The following POLE variants were observed in gnomAD, a reference collection of about 807,000 sequenced individuals.
The protein encoded by POLE is DNA polymerase epsilon, catalytic subunit.
Under a neutral mutation model 279.2 loss-of-function variants are expected in POLE, and 188 were observed. The observed-to-expected ratio is 0.67, with a 90% confidence interval of 0.60 to 0.76. The LOEUF (loss-of-function observed/expected upper bound fraction) is 0.76, where lower values mean the gene tolerates loss of function less well. Among genes scored for constraint, POLE ranks in the 30% least tolerant of loss-of-function variants. The pLI is 0.00. For synonymous variants in POLE, 1,214 were observed against 1,172.5 expected, an observed-to-expected ratio of 1.04 and a Z score of -0.72; for missense variants, 2,703 against 3,016.7, an observed-to-expected ratio of 0.90 and a Z score of 2.44.
chr12:132,635,686 C>T (rs1310021270), intron 42 of POLE, among the ~76,000 whole-genome samples: 1 of 152,254 alleles, frequency 6.6e-6, no homozygotes, highest in East Asian at 1.9e-4. Context: ...CCACGGCAAG[C>T]CTTGCCATCA....
intron 45 of POLE, among the ~76,000 whole-genome samples, chr12:132,627,468 G>A (rs551642595): frequency 6.6e-6 from 1 of 152,180 alleles, no homozygotes; most frequent in East Asian, 1.9e-4. Flanking sequence ...CCCAGGTAAT[G>A]TTTGTAATCG....
intron 29 of POLE, among the ~76,000 whole-genome samples, chr12:132,656,038 C>T (rs1014132002): frequency 4.6e-5 from 7 of 151,988 alleles, no homozygotes; most frequent in African/African-American, 1.7e-4. Context: ...TAAAAATTAG[C>T]TAGGCATGGT....
At position 132,642,829 on chromosome 12, in the gene POLE, G is replaced by A. The variant is rs115219846; in HGVS notation, c.4719C>T (p.Leu1573=). ...TICRAIQRFL[L]AYKEERRGPT... is the part of the protein sequence containing the mutation. ...CCCCAACCACTCTCACCTTGTAGGC[G>A]AGCAGGAATCGCTGGATGGCTCTGC... Residue 1573 remains leucine (L), a synonymous_variant, in exon 36 of 49, where the codon CTC becomes CTT. Transcript: ENST00000320574. 34 of 1,614,024 alleles carry A rather than the reference G, an allele frequency of 2.1e-5. No homozygotes were observed. The East Asian group carries it at 3.3e-4, about 16-fold the overall frequency.
rs142218834 is a variant in POLE, at chr12:132,625,960, G to C, written c.6531+157C>G. 3.0e-5 allele frequency: 33 copies of C among 1,093,440 alleles called. No individual in the cohort carries two copies. In the African/African-American group the frequency reaches 5.0e-4, roughly 17 times the overall value. The allele number at this position is 1,093,440 out of a possible 1,614,324, so 67.7% of individuals were successfully genotyped here. On this transcript the variant is annotated intron_variant, in intron 46 of 48. Coordinates refer to ENST00000320574, the MANE Select transcript of POLE (RefSeq NM_006231.4). ...CCTAGGACAACATTCCGAACATGGT[G>C]TGGGGAGGCCTGGGAAGGGGCCTGT... is the stretch of plus-strand genomic sequence containing the variant.
intron 25 of POLE, chr12:132,659,753 T>G (rs2042638001): frequency 4.2e-6 from 2 of 478,094 alleles, no homozygotes; most frequent in South Asian, 4.5e-5. Flanking sequence ...AGTGCAGTGG[T>G]GCAATCTCAA....
intron 47 of POLE, 160 bp from the exon 48 acceptor site, chr12:132,625,154 C>T (rs1229732120): frequency 1.5e-6 from 1 of 681,276 alleles, no homozygotes; most frequent in Non-Finnish European, 2.7e-6. Context: ...AATGCACGAC[C>T]TCATCCCACG....
In POLE at chr12:132,634,797, C is replaced by A. The variant is rs1047158467; in HGVS notation, c.5812-419G>T. ...CCTGTGTTCGTGCCACGGCACCATCCACGTCTGTGTAGACACCGACACCCA... is the reference window on the plus strand; with the variant it reads ...CCTGTGTTCGTGCCACGGCACCATCAACGTCTGTGTAGACACCGACACCCA... On this transcript the variant is annotated intron_variant, in intron 42 of 48. Coordinates refer to ENST00000320574, the MANE Select transcript of POLE (RefSeq NM_006231.4). The surrounding 1 kb of genome is among the most constrained non-coding windows in gnomAD (Gnocchi z 4.0). Among the ~76,000 whole-genome samples the A allele has an allele frequency of 1.3e-5, 2 of 152,190 alleles. No individual in the cohort carries two copies. Among genetic ancestry groups the A allele is most frequent in the Non-Finnish European group, 2.9e-5 (2 of 68,038 alleles).
Position 132,677,586 on chromosome 12 carries a change from T to C in POLE, c.712A>G (p.Ile238Val), listed in dbSNP as rs536684123. The change falls in exon 7 of 49, where the codon ATC (isoleucine) becomes GTC (valine). Residue 238 changes from isoleucine to valine, a missense_variant. Transcript: ENST00000320574. The part of the protein sequence containing the change: ...YHIRLSIDLK[I>V]HVAHWYNVRY... ...AACCCTGCCCCACTCACCACGTGGA[T>C]CTTCAGGTCAATGGAGAGGCGGATG... The C allele has an allele frequency of 6.2e-7, 1 of 1,614,182 alleles. No homozygotes were observed. The highest frequency in any genetic ancestry group is 1.3e-5 in the African/African-American group (1 of 75,040).
intron 2 of POLE, 109 bp downstream of exon 2, chr12:132,681,029 G>A: frequency 7.6e-7 from 1 of 1,309,468 alleles, no homozygotes; most frequent in South Asian, 1.4e-5. Context: ...TCTCCCACCT[G>A]ATTCACTCAA....
At chr12:132,625,814 G>A in intron 46 of POLE, 44 bp from the exon 47 acceptor site, 1 of 1,596,450 alleles carries the variant, frequency 6.3e-7, no homozygotes, top group Non-Finnish European at 8.5e-7. Context: ...CCAGCCTCCA[G>A]ACCACAGTGC....
At chr12:132,674,177 T>TA (rs1479573397) in intron 12 of POLE, among the ~76,000 whole-genome samples, 1 of 137,806 alleles carries the variant, frequency 7.3e-6, no homozygotes, top group Admixed American at 7.5e-5. Context: ...AAAAAATAAA[T>TA]AAAAAATAAA....
Position 132,668,368 on chromosome 12 carries a change from T to G in POLE, c.2161A>C (p.Arg721=). 6.3e-7 allele frequency: 1 copy of G among 1,578,702 alleles called. No individual in the cohort carries two copies. The highest frequency in any genetic ancestry group is 8.6e-7 in the Non-Finnish European group (1 of 1,161,532). Residue 721 remains arginine (R), a synonymous_variant, in exon 19 of 49, where the codon AGA becomes CGA. Coordinates refer to ENST00000320574, the MANE Select transcript of POLE (RefSeq NM_006231.4). This position sits in a 1 kb window ranked among gnomAD's most constrained non-coding sequence, Gnocchi z 4.0. ...SREEQAKYEK[R]RLADYCRKAY... The stretch of plus-strand genomic sequence containing the variant: ...CCCAGGCACTCACCCGCCAGCCTTC[T>G]CTTCTCGTATTTCGCCTGTTCCTCG...
At chr12:132,652,317 T>C (rs79009588) in intron 29 of POLE, among the ~76,000 whole-genome samples, 1 of 129,890 alleles carries the variant, frequency 7.7e-6, no homozygotes, top group East Asian at 2.3e-4. Context: ...TAGTTTCCTT[T>C]TTTTTTTTTT....
chr12:132,642,321 G>T lies in POLE; in HGVS notation c.5029C>A (p.Leu1677Ile). The T allele has an allele frequency of 6.3e-7, 1 of 1,598,926 alleles. No individual in the cohort carries two copies. The highest frequency in any genetic ancestry group is 8.5e-7 in the Non-Finnish European group (1 of 1,172,436). The change falls in exon 38 of 49, where the codon CTC (leucine) becomes ATC (isoleucine). Residue 1677 changes from leucine to isoleucine, a missense_variant. This residue lies in a region of POLE where 1,551 missense variants were observed against 1,686.1 expected (regional missense o/e 0.92). Transcript: ENST00000320574. ...FGSDLFFARH[L>I]QRHNHLLWLS... ...CAGAGCAGGTGGTTGTGGCGCTGGA[G>T]GTGGCGGGCAAAGAAGAGGTCGGAG... is the stretch of plus-strand genomic sequence containing the variant.
intron 6 of POLE, among the ~76,000 whole-genome samples, 177 bp downstream of exon 6, chr12:132,679,320 C>A (rs1253811452): frequency 1.3e-5 from 2 of 152,116 alleles, no homozygotes; most frequent in Non-Finnish European, 2.9e-5. Flanking sequence ...TAAAATATAA[C>A]CTGGGAAGCC....
Position 132,657,452 on chromosome 12 carries a change from C to T in POLE, c.3379-23G>A, listed in dbSNP as rs779448721. On this transcript the variant is annotated intron_variant, in intron 27 of 48. Transcript: ENST00000320574. ...AATCTGCATGTGCAGGAAACGGGCA[C>T]AGAGAACAGCAGGTGGCAGCAGCCA... The T allele has an allele frequency of 3.5e-5, 56 of 1,606,844 alleles. 1 individual carries two copies. The Middle Eastern group carries it at 3.5e-3, about 99-fold the overall frequency.
At chr12:132,670,768 C>T (rs1263836463) in intron 16 of POLE, among the ~76,000 whole-genome samples, 1 of 151,718 alleles carries the variant, frequency 6.6e-6, no homozygotes, top group Non-Finnish European at 1.5e-5. Flanking sequence ...GAATTACAGG[C>T]GTGAGCCACC....
At chr12:132,674,747 C>T (rs769774917) in intron 12 of POLE, among the ~76,000 whole-genome samples, 4 of 152,316 alleles carry the variant, frequency 2.6e-5, no homozygotes, top group South Asian at 4.2e-4. Flanking sequence ...TAAACAGAAA[C>T]GCATTCAGGC....
At chr12:132,683,831 G>A (rs11147004) in intron 1 of POLE, among the ~76,000 whole-genome samples, 47,795 of 152,208 alleles carry the variant, frequency 0.31, 8,685 homozygotes, top group Non-Finnish European at 0.41. Context: ...TCTCTGAGCT[G>A]TGTATCTCAC....
Sources: allele counts gnomAD v4.1 joint callset (sites outside exome capture counted in the v4.1 genomes callset), GRCh38; gene constraint gnomAD v4.1.1; regional missense constraint gnomAD v4.1.1; non-coding constraint Gnocchi (gnomAD v3.1); transcripts MANE v1.5; gene names NCBI Gene and HGNC (gene_info 2026-07-23, HGNC 2026-07-21).